TRAPPC9: variants seen among roughly 807,000 people sequenced by gnomAD.
TRAPPC9 encodes the protein IKK2 binding protein.
A neutral mutation model predicts 124.0 loss-of-function variants in TRAPPC9; 83 were observed. That is an observed-to-expected ratio of 0.67 (90% CI 0.56 to 0.80). TRAPPC9 has a LOEUF of 0.80. Ranked by LOEUF, TRAPPC9 falls within the 30% of genes least tolerant of loss-of-function variation. TRAPPC9 has a pLI of 0.00. For synonymous variants in TRAPPC9, 638 were observed against 617.5 expected, an observed-to-expected ratio of 1.03 and a Z score of -0.49; for missense variants, 1,302 against 1,508.3, an observed-to-expected ratio of 0.86 and a Z score of 2.27.
intron 15 of TRAPPC9, among the ~76,000 whole-genome samples, chr8:140,273,080 C>A (rs1362821826): frequency 6.6e-6 from 1 of 152,190 alleles, no homozygotes; most frequent in East Asian, 1.9e-4. Flanking sequence ...TTTTACAGAA[C>A]AGTAGGGCCA....
At chr8:139,786,943 G>A (rs190573725) in intron 21 of TRAPPC9, among the ~76,000 whole-genome samples, 107 of 152,288 alleles carry the variant, frequency 7.0e-4, no homozygotes, top group African/African-American at 2.2e-3. Flanking sequence ...AACGCACTCC[G>A]TCCAATCTTG....
At chr8:140,006,394 A>G (rs1838752503) in intron 18 of TRAPPC9, among the ~76,000 whole-genome samples, 1 of 152,246 alleles carries the variant, frequency 6.6e-6, no homozygotes, top group Non-Finnish European at 1.5e-5. Flanking sequence ...ATACTCATAT[A>G]CTATGGGAAT....
At chr8:140,014,713 G>A (rs987063875) in intron 18 of TRAPPC9, among the ~76,000 whole-genome samples, 3 of 152,194 alleles carry the variant, frequency 2.0e-5, no homozygotes, top group African/African-American at 7.2e-5. Context: ...AGGTGTGGCA[G>A]CAAGCTTTGG....
chr8:140,029,312 C>G (rs1459449213), intron 17 of TRAPPC9, among the ~76,000 whole-genome samples: 1 of 152,238 alleles, frequency 6.6e-6, no homozygotes, highest in Non-Finnish European at 1.5e-5. Context: ...TTCAGATAGC[C>G]TGGCCAACAT....
chr8:140,433,308 G>T (rs1056890132), intron 4 of TRAPPC9, among the ~76,000 whole-genome samples: 1 of 151,412 alleles, frequency 6.6e-6, no homozygotes, highest in African/African-American at 2.4e-5. Flanking sequence ...CAACACACAG[G>T]CCAGGAGCGG....
chr8:140,037,480 A>G (rs928964231), intron 17 of TRAPPC9, among the ~76,000 whole-genome samples: 3 of 152,036 alleles, frequency 2.0e-5, no homozygotes, highest in African/African-American at 7.2e-5. Flanking sequence ...ACTGGCCCCA[A>G]TTGCCCAGCT....
At chr8:139,854,815 A>G (rs1827701356) in intron 21 of TRAPPC9, among the ~76,000 whole-genome samples, 2 of 152,186 alleles carry the variant, frequency 1.3e-5, no homozygotes, top group African/African-American at 2.4e-5. Flanking sequence ...AGCTCAGGAA[A>G]GAGGGTGCCA....
At chr8:140,074,226 C>T (rs896274618) in intron 17 of TRAPPC9, among the ~76,000 whole-genome samples, 3 of 151,962 alleles carry the variant, frequency 2.0e-5, no homozygotes, top group African/African-American at 4.8e-5. Context: ...CCTGACAAGA[C>T]TCCTCCTCCT....
chr8:140,023,514 C>T (rs140315052), intron 18 of TRAPPC9, among the ~76,000 whole-genome samples: 3 of 152,284 alleles, frequency 2.0e-5, no homozygotes, highest in African/African-American at 7.2e-5. Flanking sequence ...AAGTGCCCAT[C>T]TTATGGGGAT....
intron 9 of TRAPPC9, among the ~76,000 whole-genome samples, chr8:140,341,072 G>A (rs1004109128): frequency 2.0e-5 from 3 of 152,148 alleles, no homozygotes; most frequent in South Asian, 2.1e-4. Context: ...GGAAAAAAAG[G>A]CAACTGGGCT....
intron 21 of TRAPPC9, among the ~76,000 whole-genome samples, chr8:139,824,332 C>T (rs1213717689): frequency 1.3e-5 from 2 of 152,050 alleles, no homozygotes; most frequent in African/African-American, 4.8e-5. Flanking sequence ...TGCAGAGCTT[C>T]GGGGGCCTGC....
intron 9 of TRAPPC9, among the ~76,000 whole-genome samples, chr8:140,324,200 T>TG (rs1336491606): frequency 6.6e-6 from 1 of 151,986 alleles, no homozygotes; most frequent in Non-Finnish European, 1.5e-5. Context: ...AATAAAAGGA[T>TG]GGGGGGGAAA....
chr8:140,180,225 CTTTTG>C (rs1305835077), intron 17 of TRAPPC9, among the ~76,000 whole-genome samples: 12 of 151,488 alleles, frequency 7.9e-5, no homozygotes, highest in East Asian at 1.9e-4. Flanking sequence ...ACTTTGTATT[CTTTTG>C]TTTTGTGTTT....
chr8:140,040,537 G>A (rs1028206310), intron 17 of TRAPPC9: 1 of 152,276 alleles, frequency 6.6e-6, no homozygotes, highest in African/African-American at 2.4e-5. Context: ...TGGGACTACA[G>A]GCACCCGCTA....
intron 16 of TRAPPC9, among the ~76,000 whole-genome samples, chr8:140,224,077 G>A (rs1312582794): frequency 6.6e-6 from 1 of 152,128 alleles, no homozygotes; most frequent in Non-Finnish European, 1.5e-5. Context: ...TTAAGAGCAG[G>A]GTCCTCTCTG....
chr8:140,267,945 C>T (rs1438245008), intron 15 of TRAPPC9, among the ~76,000 whole-genome samples: 1 of 152,096 alleles, frequency 6.6e-6, no homozygotes, highest in Non-Finnish European at 1.5e-5. Flanking sequence ...GAATTACAGG[C>T]GTGAGCCACC....
chr8:140,145,395 T>C (rs966057604), intron 17 of TRAPPC9, among the ~76,000 whole-genome samples: 4 of 152,080 alleles, frequency 2.6e-5, no homozygotes, highest in Admixed American at 2.0e-4. Context: ...GCCTAGAGTT[T>C]CAACATTAAG....
At chr8:140,119,271 A>G (rs2060943572) in intron 17 of TRAPPC9, among the ~76,000 whole-genome samples, 1 of 152,272 alleles carries the variant, frequency 6.6e-6, no homozygotes, top group Admixed American at 6.5e-5. Context: ...AATTTTAGCC[A>G]TAGCCTAAGA....
chr8:140,394,282 C>T (rs1236976932), intron 7 of TRAPPC9, among the ~76,000 whole-genome samples: 1 of 152,130 alleles, frequency 6.6e-6, no homozygotes, highest in Non-Finnish European at 1.5e-5. Context: ...TCGGAGGGTC[C>T]GTTTAAAAGC....
Sources: gnomAD v4.1 joint callset for allele counts (sites outside exome capture counted in the v4.1 genomes callset) on GRCh38, gnomAD v4.1.1 for gene constraint, MANE v1.5 for transcripts, NCBI Gene and HGNC (gene_info 2026-07-23, HGNC 2026-07-21) for gene names.